The following THSD7B variants were observed in gnomAD, a reference collection of about 807,000 sequenced individuals.
THSD7B encodes the protein thrombospondin type-1 domain-containing protein 7B.
Under a neutral mutation model 213.6 loss-of-function variants are expected in THSD7B, and 138 were observed. The observed-to-expected ratio is 0.65, with a 90% CI of 0.56 to 0.74. The LOEUF (loss-of-function observed/expected upper bound fraction) is 0.74, where lower values mean the gene tolerates loss of function less well. Among genes scored for constraint, THSD7B ranks in the 30% least tolerant of loss-of-function variants. THSD7B has a pLI of 0.00. For synonymous variants in THSD7B, 742 were observed against 687.0 expected (o/e 1.08, Z -1.25); for missense variants, 1,931 against 1,991.5 (o/e 0.97, Z 0.58).
intron 15 of THSD7B, among the ~76,000 whole-genome samples, chr2:137,535,381 C>A (rs1463509266): frequency 6.6e-6 from 1 of 151,640 alleles, no homozygotes; most frequent in Admixed American, 6.6e-5. Context: ...TATTTAATTT[C>A]AGGTAATGAA....
intron 1 of THSD7B, among the ~76,000 whole-genome samples, chr2:136,778,136 A>G (rs1436134644): frequency 6.6e-6 from 1 of 152,202 alleles, no homozygotes; most frequent in African/African-American, 2.4e-5. Context: ...CTCTGTCTGC[A>G]TAGTTCTACA....
chr2:137,453,457 G>A (rs1011960813), intron 15 of THSD7B, among the ~76,000 whole-genome samples: 2 of 146,170 alleles, frequency 1.4e-5, no homozygotes, highest in African/African-American at 5.1e-5. Context: ...AGCCTCCCAT[G>A]TAGCTGTGGC....
chr2:137,311,918 T>G (rs1368119664), intron 12 of THSD7B, among the ~76,000 whole-genome samples: 1 of 141,924 alleles, frequency 7.0e-6, no homozygotes, highest in Admixed American at 7.1e-5. Context: ...CAGTATTTTA[T>G]TGAGGATTTT....
chr2:136,837,140 A>G (rs1682856505), intron 1 of THSD7B, among the ~76,000 whole-genome samples: 1 of 152,156 alleles, frequency 6.6e-6, no homozygotes, highest in South Asian at 2.1e-4. Flanking sequence ...TCGATCCTCT[A>G]TATTCATCAT....
intron 12 of THSD7B, among the ~76,000 whole-genome samples, chr2:137,285,933 A>C (rs1178178779): frequency 6.6e-6 from 1 of 151,750 alleles, no homozygotes; most frequent in African/African-American, 2.4e-5. Flanking sequence ...GTGAAACCCC[A>C]TCTCTACTAA....
At chr2:136,874,147 T>C (rs1053505959) in intron 1 of THSD7B, among the ~76,000 whole-genome samples, 5 of 149,212 alleles carry the variant, frequency 3.4e-5, no homozygotes, top group African/African-American at 1.2e-4. Context: ...TGTGTTGATA[T>C]TGACTTACAA....
At chr2:137,588,622 CAT>C (rs1271802259) in intron 17 of THSD7B, among the ~76,000 whole-genome samples, 3 of 151,782 alleles carry the variant, frequency 2.0e-5, no homozygotes, top group African/African-American at 7.3e-5. Context: ...ATCCAGCACA[CAT>C]AGATTTTTTT....
chr2:137,151,972 T>C (rs952614652), intron 5 of THSD7B, among the ~76,000 whole-genome samples: 8 of 151,426 alleles, frequency 5.3e-5, no homozygotes, highest in African/African-American at 1.9e-4. Context: ...TTGCACCCGG[T>C]TGCCACTCCT....
intron 5 of THSD7B, among the ~76,000 whole-genome samples, chr2:137,143,439 G>GA (rs199523940): frequency 6.6e-6 from 1 of 152,104 alleles, no homozygotes; most frequent in African/African-American, 2.4e-5. Context: ...GGAAAGGAGG[G>GA]ATTTAGGAGT....
chr2:136,811,958 T>G (rs1682383443), intron 1 of THSD7B, among the ~76,000 whole-genome samples: 1 of 152,196 alleles, frequency 6.6e-6, no homozygotes, highest in Non-Finnish European at 1.5e-5. Context: ...TTCTGTGATC[T>G]GAAGAACAAA....
intron 7 of THSD7B, among the ~76,000 whole-genome samples, chr2:137,174,748 A>G (rs1188694000): frequency 6.6e-6 from 1 of 152,178 alleles, no homozygotes; most frequent in Non-Finnish European, 1.5e-5. Context: ...CGAGTCTCTG[A>G]TTGATGGAAT....
At chr2:137,426,353 A>AAAGAT (rs1687054994) in intron 14 of THSD7B, among the ~76,000 whole-genome samples, 1 of 152,176 alleles carries the variant, frequency 6.6e-6, no homozygotes, top group Non-Finnish European at 1.5e-5. Context: ...TGGAACCACA[A>AAAGAT]AAGACCTTGA....
chr2:137,172,738 A>T (rs560214982), intron 7 of THSD7B, among the ~76,000 whole-genome samples: 11 of 152,338 alleles, frequency 7.2e-5, no homozygotes, highest in African/African-American at 2.6e-4. Flanking sequence ...CACAGGCGAC[A>T]GTCTGGGACT....
chr2:137,128,879 T>C (rs959727990), intron 5 of THSD7B, among the ~76,000 whole-genome samples: 1 of 152,232 alleles, frequency 6.6e-6, no homozygotes, highest in Admixed American at 6.5e-5. Context: ...AGAGTTCCTA[T>C]AAGAACCTTT....
At chr2:137,615,065 G>A (rs1056774225) in intron 17 of THSD7B, among the ~76,000 whole-genome samples, 1 of 152,142 alleles carries the variant, frequency 6.6e-6, no homozygotes, top group African/African-American at 2.4e-5. Context: ...TTGTGAACAT[G>A]TTTAATGGTA....
chr2:137,102,787 A>G (rs544412261), intron 4 of THSD7B, among the ~76,000 whole-genome samples: 1 of 152,356 alleles, frequency 6.6e-6, no homozygotes, highest in South Asian at 2.1e-4. Context: ...AAAGGATATC[A>G]GAGATTGAAG....
At chr2:136,973,443 CT>C (rs1168939708) in intron 2 of THSD7B, among the ~76,000 whole-genome samples, 1 of 151,844 alleles carries the variant, frequency 6.6e-6, no homozygotes, top group Non-Finnish European at 1.5e-5. Flanking sequence ...CTGTATTTTC[CT>C]TTTTTCTGCA....
At chr2:137,609,808 T>C (rs1199832357) in intron 17 of THSD7B, among the ~76,000 whole-genome samples, 1 of 152,312 alleles carries the variant, frequency 6.6e-6, no homozygotes. Flanking sequence ...GAGTCACTTA[T>C]TAGGTTATTG....
intron 26 of THSD7B, among the ~76,000 whole-genome samples, chr2:137,664,240 G>T (rs1373779762): frequency 6.6e-6 from 1 of 152,108 alleles, no homozygotes; most frequent in African/African-American, 2.4e-5. Context: ...TGACAAAATT[G>T]GAATAGAACC....
Sources: allele counts gnomAD v4.1 joint callset (sites outside exome capture counted in the v4.1 genomes callset), GRCh38; gene constraint gnomAD v4.1.1; transcripts MANE v1.5; gene names NCBI Gene and HGNC (gene_info 2026-07-23, HGNC 2026-07-21).